The following EPC2 variants were observed in gnomAD, a reference collection of about 807,000 sequenced individuals.
EPC2 encodes enhancer of polycomb 2, also known as enhancer of polycomb homolog 2.
A neutral mutation model predicts 92.1 loss-of-function variants in EPC2; 14 were observed. The observed-to-expected ratio is 0.15, with a 90% CI of 0.10 to 0.24. The LOEUF (loss-of-function observed/expected upper bound fraction) is 0.24, where lower values mean the gene tolerates loss of function less well. Among genes scored for constraint, EPC2 ranks in the 10% least tolerant of loss-of-function variants. The pLI is 1.00. For missense variants in EPC2, 755 were observed against 971.5 expected (o/e 0.78, Z 2.96); for synonymous variants, 340 against 334.7 (o/e 1.02, Z -0.17).
At chr2:148,690,831 G>A (rs1485513266) in intron 2 of EPC2, among the ~76,000 whole-genome samples, 1 of 151,968 alleles carries the variant, frequency 6.6e-6, no homozygotes, top group African/African-American at 2.4e-5. Context: ...CCCAGCTGAT[G>A]TTTGTATTTT....
At chr2:148,756,446 A>G (rs1210672979) in intron 4 of EPC2, among the ~76,000 whole-genome samples, 1 of 152,224 alleles carries the variant, frequency 6.6e-6, no homozygotes, top group Non-Finnish European at 1.5e-5. Context: ...AATGAATACA[A>G]CTAACAAAGG....
intron 3 of EPC2, among the ~76,000 whole-genome samples, chr2:148,751,870 A>G (rs1207125985): frequency 2.0e-5 from 3 of 152,066 alleles, no homozygotes; most frequent in South Asian, 2.1e-4. Context: ...TAAAATAGAA[A>G]GTTGCTTTAT....
chr2:148,695,566 G>A (rs1421125992), intron 2 of EPC2, among the ~76,000 whole-genome samples: 1 of 152,168 alleles, frequency 6.6e-6, no homozygotes, highest in African/African-American at 2.4e-5. Flanking sequence ...TCCAACTTCA[G>A]TCTCATTATC....
chr2:148,743,844 A>G (rs1682930544), intron 3 of EPC2, 77 bp downstream of exon 3: 4 of 1,151,154 alleles, frequency 3.5e-6, no homozygotes, highest in Non-Finnish European at 4.7e-6. Flanking sequence ...AGTGTGTTGC[A>G]TTTTACTGTT....
chr2:148,675,248 G>C (rs919518786), intron 1 of EPC2, among the ~76,000 whole-genome samples: 1 of 151,342 alleles, frequency 6.6e-6, no homozygotes, highest in Admixed American at 6.6e-5. Context: ...TTTCTTTCTA[G>C]GTCTTCCTAC....
chr2:148,674,600 T>C (rs1681226807), intron 1 of EPC2, among the ~76,000 whole-genome samples: 1 of 152,198 alleles, frequency 6.6e-6, no homozygotes, highest in Admixed American at 6.5e-5. Context: ...AGTATACCAG[T>C]CCATCAGGCA....
rs112148958 is a variant in EPC2, at chr2:148,776,002, C to T, written c.1720+4615C>T. ...TTCACTGTGTTAGCCAGGATGGTCT[C>T]GATCTCCTGACCTCGTGATCCGCCC... On this transcript the variant is annotated intron_variant, in intron 10 of 13. Coordinates refer to ENST00000258484, the MANE Select transcript of EPC2 (RefSeq NM_015630.4). Among the ~76,000 whole-genome samples the T allele has an allele frequency of 6.8e-4, 103 of 151,906 alleles. 1 individual carries two copies. The highest frequency in any genetic ancestry group is 2.3e-3 in the African/African-American group (95 of 41,446).
intron 1 of EPC2, among the ~76,000 whole-genome samples, chr2:148,671,700 T>C (rs965791260): frequency 6.6e-6 from 1 of 152,336 alleles, no homozygotes; most frequent in Non-Finnish European, 1.5e-5. Flanking sequence ...GCATTTCTTA[T>C]TGTCTCCATT....
At chr2:148,649,413 C>T (rs1162832641) in intron 1 of EPC2, among the ~76,000 whole-genome samples, 1 of 152,192 alleles carries the variant, frequency 6.6e-6, no homozygotes, top group Non-Finnish European at 1.5e-5. Flanking sequence ...GTTGCCTTTT[C>T]TACAATTTCA....
intron 2 of EPC2, among the ~76,000 whole-genome samples, chr2:148,708,796 C>G (rs1022386574): frequency 2.0e-5 from 3 of 152,112 alleles, no homozygotes; most frequent in Non-Finnish European, 4.4e-5. Context: ...ATTCAGCATC[C>G]CTTCATGCTA....
At chr2:148,652,461 A>G (rs956416252) in intron 1 of EPC2, among the ~76,000 whole-genome samples, 1 of 152,220 alleles carries the variant, frequency 6.6e-6, no homozygotes, top group Non-Finnish European at 1.5e-5. Context: ...CAAACTCTTC[A>G]CACTTATTAA....
chr2:148,716,797 C>G (rs745853234), intron 2 of EPC2, among the ~76,000 whole-genome samples: 15 of 151,988 alleles, frequency 9.9e-5, no homozygotes, highest in South Asian at 4.1e-4. Context: ...ATTTTTTGAA[C>G]AGTTTCAGTA....
intron 2 of EPC2, among the ~76,000 whole-genome samples, chr2:148,732,266 A>G (rs758852811): frequency 2.0e-5 from 3 of 152,172 alleles, no homozygotes; most frequent in Non-Finnish European, 4.4e-5. Flanking sequence ...GCGGTCTTGC[A>G]CAGCTCTTAG....
chr2:148,758,512 C>G (rs919532640), intron 4 of EPC2, among the ~76,000 whole-genome samples: 2 of 152,144 alleles, frequency 1.3e-5, no homozygotes, highest in African/African-American at 4.8e-5. Flanking sequence ...TCCCCTACCT[C>G]AGCCTCCCAA....
intron 10 of EPC2, among the ~76,000 whole-genome samples, chr2:148,772,778 A>G (rs1683551661): frequency 6.6e-6 from 1 of 152,216 alleles, no homozygotes; most frequent in Admixed American, 6.5e-5. Flanking sequence ...CTGCAGGATT[A>G]TTAGAAATCT....
At chr2:148,717,652 T>TCAC (rs1207011932) in intron 2 of EPC2, among the ~76,000 whole-genome samples, 1 of 152,172 alleles carries the variant, frequency 6.6e-6, no homozygotes, top group African/African-American at 2.4e-5. Flanking sequence ...TGAGGAGTGT[T>TCAC]TTACTTCCAA....
intron 1 of EPC2, among the ~76,000 whole-genome samples, chr2:148,673,450 T>A (rs901501156): frequency 2.6e-5 from 4 of 152,224 alleles, no homozygotes; most frequent in African/African-American, 9.6e-5. Context: ...TTGCTCTGTT[T>A]GATAAGTCTG....
At chr2:148,782,805 T>C (rs991003300) in intron 11 of EPC2, among the ~76,000 whole-genome samples, 1 of 152,208 alleles carries the variant, frequency 6.6e-6, no homozygotes, top group Non-Finnish European at 1.5e-5. Flanking sequence ...ATTTCAAATT[T>C]GAACCACCTG....
At chr2:148,664,680 G>C (rs192947099) in intron 1 of EPC2, among the ~76,000 whole-genome samples, 58 of 152,258 alleles carry the variant, frequency 3.8e-4, no homozygotes, top group Non-Finnish European at 7.8e-4. Context: ...TCTGCTTTCT[G>C]TTACTGTAGA....
Sources: gnomAD v4.1 joint callset for allele counts (sites outside exome capture counted in the v4.1 genomes callset) on GRCh38, gnomAD v4.1.1 for gene constraint, MANE v1.5 for transcripts, NCBI Gene and HGNC (gene_info 2026-07-23, HGNC 2026-07-21) for gene names.